MARCHF10: variants seen among roughly 807,000 people sequenced by gnomAD.
MARCHF10 encodes membrane associated ring-CH-type finger 10, also known as probable E3 ubiquitin-protein ligase MARCHF10.
MARCHF10 carries 64 observed loss-of-function variants against 76.2 expected under a neutral mutation model. The observed-to-expected ratio is 0.84, with a 90% CI of 0.69 to 1.03. MARCHF10 has a LOEUF of 1.03. MARCHF10 is among the 50% of genes least tolerant of loss of function. The probability of loss-of-function intolerance (pLI) is 0.00; values close to 1 mark genes in which losing one functional copy is unlikely to be tolerated. For synonymous variants in MARCHF10, 340 were observed against 357.5 expected (o/e 0.95, Z 0.55); for missense variants, 875 against 958.0 (o/e 0.91, Z 1.14).
chr17:62,705,370 G>A (rs2089513037), intron 10 of MARCHF10, 169 bp downstream of exon 10: 6 of 1,524,066 alleles, frequency 3.9e-6, no homozygotes, highest in South Asian at 1.3e-5. Flanking sequence ...ACTTGGCCTC[G>A]CCTTCCTGAT....
At chr17:62,792,777 A>C (rs527584635) in intron 2 of MARCHF10, among the ~76,000 whole-genome samples, 1,968 of 125,196 alleles carry the variant, frequency 0.016, 87 homozygotes, top group African/African-American at 0.069. Context: ...CATCACTACC[A>C]CCACCACCTC....
chr17:62,765,256 G>A (rs1219833062), intron 3 of MARCHF10, among the ~76,000 whole-genome samples: 1 of 150,770 alleles, frequency 6.6e-6, no homozygotes, highest in African/African-American at 2.5e-5. Context: ...GGAAGCTGAG[G>A]CACGAGAATT....
intron 6 of MARCHF10, among the ~76,000 whole-genome samples, chr17:62,731,656 A>G (rs1480747156): frequency 6.6e-6 from 1 of 152,224 alleles, no homozygotes; most frequent in Admixed American, 6.5e-5. Flanking sequence ...GGGTGGTGAG[A>G]TCGCTAACGT....
intron 10 of MARCHF10, chr17:62,704,879 CTGA>C: frequency 1.0e-6 from 1 of 960,454 alleles, no homozygotes; most frequent in Non-Finnish European, 1.2e-6. Context: ...ATTCTGCCTC[CTGA>C]TGAAGTTCTT....
intron 9 of MARCHF10, among the ~76,000 whole-genome samples, chr17:62,709,547 C>G (rs1183732772): frequency 1.3e-5 from 2 of 151,314 alleles, no homozygotes; most frequent in Non-Finnish European, 2.9e-5. Flanking sequence ...TGAGACACAA[C>G]CAAGAAACAC....
intron 3 of MARCHF10, among the ~76,000 whole-genome samples, chr17:62,762,452 T>C (rs1227333017): frequency 6.6e-6 from 1 of 152,230 alleles, no homozygotes; most frequent in Non-Finnish European, 1.5e-5. Flanking sequence ...TGGACTTTTT[T>C]CCTGCTTGCC....
intron 3 of MARCHF10, among the ~76,000 whole-genome samples, chr17:62,776,620 C>T (rs1399741846): frequency 6.6e-6 from 1 of 152,192 alleles, no homozygotes; most frequent in Non-Finnish European, 1.5e-5. Context: ...CCTGGTCTGC[C>T]TACAGAGGGG....
chr17:62,746,338 GGA>G (rs2091701447), intron 4 of MARCHF10, among the ~76,000 whole-genome samples: 1 of 152,128 alleles, frequency 6.6e-6, no homozygotes, highest in Non-Finnish European at 1.5e-5. Flanking sequence ...AGGTGTGAAA[GGA>G]GAGAGTGAAA....
intron 2 of MARCHF10, among the ~76,000 whole-genome samples, chr17:62,799,746 CAAAAA>C (rs1304992460): frequency 1.8e-5 from 2 of 109,766 alleles, no homozygotes; most frequent in Admixed American, 9.8e-5. Context: ...AACTCTGTCT[CAAAAA>C]AAAAAAAAAA....
At chr17:62,713,996 T>C (rs967348138) in intron 8 of MARCHF10, among the ~76,000 whole-genome samples, 6 of 152,234 alleles carry the variant, frequency 3.9e-5, no homozygotes, top group Non-Finnish European at 7.3e-5. Context: ...TTAAAGAAGC[T>C]GACAGCCTGG....
At chr17:62,804,952 T>G (rs2093139934) in intron 1 of MARCHF10, 1 of 152,250 alleles carries the variant, frequency 6.6e-6, no homozygotes, top group South Asian at 2.1e-4. Context: ...TTTATTCAGT[T>G]GTGCAGATAT....
At chr17:62,760,691 G>A (rs927182729) in intron 3 of MARCHF10, among the ~76,000 whole-genome samples, 5 of 152,212 alleles carry the variant, frequency 3.3e-5, no homozygotes, top group Non-Finnish European at 2.9e-5. Context: ...CCAAAGAAAG[G>A]ATGAAAACAA....
chr17:62,744,824 G>T (rs1196777246), intron 4 of MARCHF10, among the ~76,000 whole-genome samples: 1 of 151,822 alleles, frequency 6.6e-6, no homozygotes, highest in African/African-American at 2.4e-5. Flanking sequence ...GACCAGCATG[G>T]CCAACATGGT....
intron 7 of MARCHF10, among the ~76,000 whole-genome samples, chr17:62,724,521 G>A (rs1022536129): frequency 4.6e-5 from 7 of 151,998 alleles, no homozygotes; most frequent in African/African-American, 1.7e-4. Flanking sequence ...CTCTCATGAG[G>A]GACCTTCTGA....
intron 3 of MARCHF10, among the ~76,000 whole-genome samples, chr17:62,787,155 G>A (rs2092760225): frequency 6.6e-6 from 1 of 152,134 alleles, no homozygotes; most frequent in African/African-American, 2.4e-5. Context: ...CCAATATTGT[G>A]AGATAGTCTC....
intron 7 of MARCHF10, among the ~76,000 whole-genome samples, chr17:62,723,554 C>A (rs1182757649): frequency 1.4e-5 from 1 of 71,710 alleles, no homozygotes; most frequent in Non-Finnish European, 2.4e-5. Context: ...ATTTTGTTCG[C>A]TTGACTTTTT....
rs763826100 is a variant in MARCHF10 at position 62,736,967 on chromosome 17, G to T, written c.901C>A (p.Leu301Met). 6.2e-7 allele frequency: 1 copy of T among 1,614,138 alleles called. No individual in the cohort carries two copies. Among genetic ancestry groups the T allele is most frequent in the South Asian group, 1.1e-5 (1 of 91,084 alleles). ...CAGGGTGAGCGCACACCAACCCACA[G>T]ACATTCTTCAGACTGGGTTTCCTCT... The part of the protein sequence containing the change: ...TEEETQSEEC[L>M]WVGVRSPCSP... Residue 301 changes from leucine to methionine, a missense_variant, in exon 6 of 11, where the codon CTG becomes ATG. Physicochemically the swap from Leu to Met is conservative, Grantham distance 15 (BLOSUM62 2). Transcript: ENST00000311269.
chr17:62,725,085 C>G lies in MARCHF10; in HGVS notation c.1957G>C (p.Glu653Gln). 1.3e-6 allele frequency: 2 copies of G among 1,599,714 alleles called. No individual in the cohort carries two copies. The highest frequency in any genetic ancestry group is 1.7e-6 in the Non-Finnish European group (2 of 1,175,128). The change falls in exon 7 of 11, where the codon GAG becomes CAG. Residue 653 changes from glutamate (E) to glutamine (Q), a missense_variant. Transcript: ENST00000311269. ...ATGCGACACAAGTCTCCCTCCTCCT[C>G]GGAGTCCTCCTCCAGGAGACTAAAT... ...LQESLLEEDS[E>Q]EEGDLCRICQ...
chr17:62,799,695 A>G (rs376352743), intron 2 of MARCHF10, among the ~76,000 whole-genome samples: 1 of 151,986 alleles, frequency 6.6e-6, no homozygotes, highest in Non-Finnish European at 1.5e-5. Context: ...GCGATGAGCC[A>G]AGATCGTGCC....
Sources: allele counts gnomAD v4.1 joint callset (sites outside exome capture counted in the v4.1 genomes callset), GRCh38; gene constraint gnomAD v4.1.1; transcripts MANE v1.5; gene names NCBI Gene and HGNC (gene_info 2026-07-23, HGNC 2026-07-21).